The following LGI1 variants were observed in gnomAD, a reference collection of about 807,000 sequenced individuals.
The protein encoded by LGI1 is leucine rich glioma inactivated 1.
A neutral mutation model predicts 57.7 loss-of-function variants in LGI1; 11 were observed. The ratio of observed to expected loss-of-function variants is 0.19; its 90% confidence interval spans 0.12 to 0.32. The LOEUF (loss-of-function observed/expected upper bound fraction) is 0.32, where lower values mean the gene tolerates loss of function less well. Among genes scored for constraint, LGI1 ranks in the 10% least tolerant of loss-of-function variants. The pLI, the probability that LGI1 is intolerant of heterozygous loss-of-function variation, is 1.00. For missense variants in LGI1, 422 were observed against 661.9 expected, an observed-to-expected ratio of 0.64 and a Z score of 3.98; for synonymous variants, 222 against 241.9, an observed-to-expected ratio of 0.92 and a Z score of 0.76.
intron 2 of LGI1, chr10:93,765,086 G>A (rs1437285017): frequency 6.6e-6 from 1 of 152,082 alleles, no homozygotes; most frequent in African/African-American, 2.4e-5. Context: ...AATTAATATT[G>A]GCAGTCTTCA....
chr10:93,776,291 TA>T (rs1223784250), intron 2 of LGI1, among the ~76,000 whole-genome samples: 1 of 152,220 alleles, frequency 6.6e-6, no homozygotes, highest in Non-Finnish European at 1.5e-5. Context: ...AAATTTTAAG[TA>T]TATATAAATG....
chr10:93,793,051 A>T, intron 6 of LGI1, 135 bp from the exon 7 acceptor site: 1 of 1,147,234 alleles, frequency 8.7e-7, no homozygotes, highest in Non-Finnish European at 1.3e-6. Flanking sequence ...AACCATTGAC[A>T]ATGCTTCATG....
intron 2 of LGI1, among the ~76,000 whole-genome samples, chr10:93,761,693 G>T (rs566555861): frequency 6.6e-6 from 1 of 152,120 alleles, no homozygotes; most frequent in Admixed American, 6.5e-5. Flanking sequence ...CCCACATTCC[G>T]TAGAGAAGAG....
At chr10:93,763,803 C>G (rs829103) in intron 2 of LGI1, 48,136 of 152,024 alleles carry the variant, frequency 0.32, 7,751 homozygotes, top group South Asian at 0.42. Context: ...CTCTTGTGTC[C>G]CACGCTGACT....
At chr10:93,769,864 T>G (rs1355576879) in intron 2 of LGI1, 1 of 151,944 alleles carries the variant, frequency 6.6e-6, no homozygotes. Flanking sequence ...GCCAGGAAAA[T>G]CTGCTCTAGG....
intron 2 of LGI1, among the ~76,000 whole-genome samples, chr10:93,773,977 T>C (rs901487201): frequency 1.3e-5 from 2 of 152,136 alleles, no homozygotes; most frequent in Non-Finnish European, 2.9e-5. Flanking sequence ...ATTGGTTTCA[T>C]AAACCCCTCC....
intron 7 of LGI1, among the ~76,000 whole-genome samples, chr10:93,795,620 C>A (rs567571737): frequency 1.3e-5 from 2 of 152,276 alleles, no homozygotes; most frequent in South Asian, 4.2e-4. Context: ...CAGTCATTAT[C>A]CCTTCCTTCA....
chr10:93,792,564 C>A, intron 5 of LGI1, 179 bp from the exon 6 acceptor site: 1 of 676,998 alleles, frequency 1.5e-6, no homozygotes, highest in Non-Finnish European at 2.7e-6. Flanking sequence ...TTCAAGTGTG[C>A]ATGGTGCTAA....
At chr10:93,795,233 G>A (rs1357139101) in intron 7 of LGI1, among the ~76,000 whole-genome samples, 1 of 152,022 alleles carries the variant, frequency 6.6e-6, no homozygotes, top group Non-Finnish European at 1.5e-5. Context: ...GTCCCTTCCT[G>A]CTGCTGTAAC....
intron 5 of LGI1, 123 bp from the exon 6 acceptor site, chr10:93,792,620 G>A (rs572610052): frequency 2.7e-5 from 26 of 966,190 alleles, no homozygotes; most frequent in Middle Eastern, 4.7e-4. Flanking sequence ...GTTCCAGGCA[G>A]GTTATAGGGC....
intron 4 of LGI1, among the ~76,000 whole-genome samples, chr10:93,787,322 T>C (rs2059899430): frequency 6.6e-6 from 1 of 152,130 alleles, no homozygotes; most frequent in African/African-American, 2.4e-5. Context: ...CCCCACCCTC[T>C]GATTCCCAAG....
At chr10:93,763,553 CTG>C (rs1767286424) in intron 2 of LGI1, 1 of 152,160 alleles carries the variant, frequency 6.6e-6, no homozygotes, top group South Asian at 2.1e-4. Context: ...CTGAAGACTC[CTG>C]TGTTACTCTC....
chr10:93,788,333 C>T (rs2059907609), intron 4 of LGI1: 1 of 152,180 alleles, frequency 6.6e-6, no homozygotes, highest in South Asian at 2.1e-4. Flanking sequence ...TTCATGTGGT[C>T]TGTTTCTAAA....
chr10:93,778,149 TGG>T (rs1290989538), intron 4 of LGI1, among the ~76,000 whole-genome samples: 1 of 152,222 alleles, frequency 6.6e-6, no homozygotes, highest in Non-Finnish European at 1.5e-5. Flanking sequence ...GAGACATGTT[TGG>T]TTGTCACAAC....
At chr10:93,767,784 TC>T (rs2059694043) in intron 2 of LGI1, 1 of 152,158 alleles carries the variant, frequency 6.6e-6, no homozygotes, top group Admixed American at 6.5e-5. Context: ...TTTAGGGACC[TC>T]CCAGTAGATC....
rs2059927183 is a variant in LGI1, at chr10:93,790,425, G to A, written c.503+255G>A. The A allele has an allele frequency of 6.4e-6, 3 of 468,020 alleles. No individual in the cohort carries two copies. The South Asian group carries it at 9.0e-5, about 14-fold the overall frequency. The allele number at this position is 468,020 out of a possible 1,614,324, so 29.0% of individuals were successfully genotyped here. ...AAAGTGTGTGTCAATACGGCAGGGA[G>A]CGATGATAAAGGACTTTGACGGGGT... On this transcript the variant is annotated intron_variant, in intron 5 of 7. Coordinates refer to ENST00000371418, the MANE Select transcript of LGI1 (RefSeq NM_005097.4).
chr10:93,794,381 T>TTTTTTA (rs2059962636), intron 7 of LGI1, among the ~76,000 whole-genome samples: 3 of 146,986 alleles, frequency 2.0e-5, no homozygotes, highest in Non-Finnish European at 4.5e-5. Flanking sequence ...TTTTTTTTTT[T>TTTTTTA]GAGATGGAGT....
At chr10:93,771,888 T>C (rs2059745490) in intron 2 of LGI1, 1 of 150,620 alleles carries the variant, frequency 6.6e-6, no homozygotes, top group African/African-American at 2.5e-5. Context: ...GGCAGGAGAA[T>C]CTCTTGAACC....
chr10:93,760,363 T>C (rs1169105225), intron 2 of LGI1, among the ~76,000 whole-genome samples: 2 of 152,346 alleles, frequency 1.3e-5, no homozygotes, highest in East Asian at 1.9e-4. Context: ...GATCCTTCCA[T>C]AGGATAAGAA....
Sources: gnomAD v4.1 joint callset for allele counts (sites outside exome capture counted in the v4.1 genomes callset) on GRCh38, gnomAD v4.1.1 for gene constraint, MANE v1.5 for transcripts, NCBI Gene and HGNC (gene_info 2026-07-23, HGNC 2026-07-21) for gene names.